TMC5: variants seen among roughly 807,000 people sequenced by gnomAD.
TMC5 encodes transmembrane channel-like protein 5.
A neutral mutation model predicts 110.5 loss-of-function variants in TMC5; 86 were observed. That is an observed-to-expected ratio of 0.78 (90% CI 0.65 to 0.93). The LOEUF is 0.93. Among genes scored for constraint, TMC5 ranks in the 40% least tolerant of loss-of-function variants. The probability of loss-of-function intolerance (pLI) is 0.00; values close to 1 mark genes in which losing one functional copy is unlikely to be tolerated. For synonymous variants in TMC5, 455 were observed against 439.5 expected, an observed-to-expected ratio of 1.04 and a Z score of -0.44; for missense variants, 1,144 against 1,222.8, an observed-to-expected ratio of 0.94 and a Z score of 0.96.
chr16:19,449,750 T>A (rs1331388203), intron 5 of TMC5, 119 bp downstream of exon 5: 1 of 853,264 alleles, frequency 1.2e-6, no homozygotes, highest in Non-Finnish European at 1.9e-6. Flanking sequence ...GTTTCCCCCA[T>A]GCTGTTCTCA....
intron 5 of TMC5, 21 bp downstream of exon 5, chr16:19,449,652 C>T: frequency 3.1e-6 from 5 of 1,601,882 alleles, no homozygotes; most frequent in Non-Finnish European, 4.3e-6. Flanking sequence ...TGGTTTGGCT[C>T]TGTGTCCCCA....
intron 2 of TMC5, among the ~76,000 whole-genome samples, chr16:19,438,421 G>A (rs918794485): frequency 3.3e-4 from 11 of 33,006 alleles, no homozygotes; most frequent in South Asian, 3.0e-3. Context: ...AGAAAGAAAA[G>A]AAAAAGAAAG....
In TMC5 at chr16:19,440,427, G is replaced by T; in HGVS notation, c.389G>T (p.Gly130Val). 1.2e-6 allele frequency: 2 copies of T among 1,613,986 alleles called. No individual in the cohort carries two copies. The highest frequency in any genetic ancestry group is 8.5e-7 in the Non-Finnish European group (1 of 1,180,012). ...TCATCCAGACAACCAGACTACCCTG[G>T]ATCTCAACGAAATCCTGATTTTGCA... is the stretch of plus-strand genomic sequence containing the variant. Reference protein sequence around the residue: ...RASSRQPDYPGSQRNPDFAGS... With the variant: ...RASSRQPDYPVSQRNPDFAGS... The change falls in exon 3 of 22, where the codon GGA becomes GTA. Residue 130 changes from glycine to valine, a missense_variant. Transcript: ENST00000542583.
chr16:19,411,263 A>G (rs1369473717), intron 1 of TMC5: 2 of 152,244 alleles, frequency 1.3e-5, no homozygotes, highest in South Asian at 2.1e-4. Flanking sequence ...ATCTCTGGAC[A>G]GGTTACTTAT....
At chr16:19,473,636 A>G (rs893283464) in intron 11 of TMC5, among the ~76,000 whole-genome samples, 3 of 152,098 alleles carry the variant, frequency 2.0e-5, no homozygotes, top group African/African-American at 7.2e-5. Flanking sequence ...CCCCTCCCTG[A>G]GCCTCAGTTT....
At chr16:19,493,874 T>A (rs1968981245) in intron 19 of TMC5, among the ~76,000 whole-genome samples, 1 of 101,858 alleles carries the variant, frequency 9.8e-6, no homozygotes, top group African/African-American at 4.2e-5. Context: ...TTCCATATCC[T>A]ACATATATCT....
chr16:19,498,652 G>A lies in TMC5; in HGVS notation c.*686G>A, dbSNP rs1969116008. On this transcript the variant is annotated 3_prime_UTR_variant, in exon 22 of 22. Coordinates refer to ENST00000542583, the MANE Select transcript of TMC5 (RefSeq NM_001261841.2). Reference sequence around the variant, plus strand: ...ACCGTAGCCAATGAGATTTATCCGAGACGCGATTATTGCTAATTGGAAATT... The same window carrying A: ...ACCGTAGCCAATGAGATTTATCCGAAACGCGATTATTGCTAATTGGAAATT... The A allele has an allele frequency of 6.6e-6, 1 of 152,148 alleles. No individual in the cohort carries two copies. The highest frequency in any genetic ancestry group is 1.5e-5 in the Non-Finnish European group (1 of 68,034). 9.4% of individuals were successfully genotyped at this position (152,148 alleles called of 1,614,324 possible).
chr16:19,494,377 AG>A lies in TMC5; in HGVS notation c.2931+13del. On this transcript the variant is annotated intron_variant, in intron 20 of 21. Coordinates refer to ENST00000542583, the MANE Select transcript of TMC5 (RefSeq NM_001261841.2). ...AGGAGAGAGGTGGAGGTGAGTCTGG[AG>A]GCTGCCTTGGGGACCCCTGGGACAC... 1.2e-6 allele frequency: 2 copies of A among 1,609,502 alleles called. No individual in the cohort carries two copies. The highest frequency in any genetic ancestry group is 1.7e-6 in the Non-Finnish European group (2 of 1,177,356).
chr16:19,467,014 C>T (rs778996203), intron 9 of TMC5, among the ~76,000 whole-genome samples: 2 of 152,084 alleles, frequency 1.3e-5, no homozygotes, highest in East Asian at 1.9e-4. Flanking sequence ...GGCTTGGTGG[C>T]GCACGCCTGT....
In TMC5 at chr16:19,477,538, T is replaced by G; in HGVS notation, c.2169+20T>G. 2 of 1,563,408 alleles carry G rather than the reference T, an allele frequency of 1.3e-6. No homozygotes were observed. Among genetic ancestry groups the G allele is most frequent in the Non-Finnish European group, 1.7e-6 (2 of 1,149,962 alleles). On this transcript the variant is annotated intron_variant, in intron 13 of 21. Coordinates refer to ENST00000542583, the MANE Select transcript of TMC5 (RefSeq NM_001261841.2). ...GAAGAGGTGAGATTCTATGCTTCTC[T>G]GCCTTAAGTTTGGTTTCTTAGCATT...
chr16:19,444,284 G>A, intron 4 of TMC5, 34 bp downstream of exon 4: 1 of 1,598,316 alleles, frequency 6.3e-7, no homozygotes, highest in Non-Finnish European at 8.5e-7. Flanking sequence ...CATATCCTGG[G>A]AAAAAACTGA....
intron 1 of TMC5, among the ~76,000 whole-genome samples, chr16:19,421,934 AAAAG>A (rs2143357614): frequency 6.6e-6 from 1 of 152,246 alleles, no homozygotes; most frequent in African/African-American, 2.4e-5. Context: ...CATCTCTTAA[AAAAG>A]AGAGAGAGAG....
rs750483899 is a variant in TMC5 at position 19,497,948 on chromosome 16, A to G, written c.3003A>G (p.Glu1001=). 2 of 1,614,046 alleles carry G rather than the reference A, an allele frequency of 1.2e-6. No homozygotes were observed. The highest frequency in any genetic ancestry group is 8.5e-7 in the Non-Finnish European group (1 of 1,180,000). ...LDLRSRRSVQ[E]GNPRA ...TGCGATCTAGAAGATCAGTTCAAGAAGGTAATCCAAGGGCCTGATGACTCT... is the reference window on the plus strand; with the variant it reads ...TGCGATCTAGAAGATCAGTTCAAGAGGGTAATCCAAGGGCCTGATGACTCT... Residue 1001 remains glutamate (E), a synonymous_variant, in exon 22 of 22, where the codon GAA becomes GAG. Coordinates refer to ENST00000542583, the MANE Select transcript of TMC5 (RefSeq NM_001261841.2).
intron 17 of TMC5, among the ~76,000 whole-genome samples, 175 bp downstream of exon 17, chr16:19,487,501 G>A (rs1172637988): frequency 6.6e-6 from 1 of 152,020 alleles, no homozygotes; most frequent in Non-Finnish European, 1.5e-5. Context: ...CAGGAGTTCA[G>A]GACCAGCCTG....
At chr16:19,486,784 C>G in intron 15 of TMC5, 161 bp from the exon 16 acceptor site, 1 of 633,800 alleles carries the variant, frequency 1.6e-6, no homozygotes, top group Non-Finnish European at 2.8e-6. Flanking sequence ...CAAATACAGT[C>G]ACATTCTGAG....
chr16:19,489,357 C>T (rs9924152), intron 17 of TMC5, among the ~76,000 whole-genome samples: 17,185 of 151,864 alleles, frequency 0.11, 1,159 homozygotes, highest in African/African-American at 0.19. Context: ...TTTTTTGAGA[C>T]AGAGTCTCAC....
At chr16:19,436,704 A>G (rs79866967) in intron 2 of TMC5, among the ~76,000 whole-genome samples, 1 of 152,210 alleles carries the variant, frequency 6.6e-6, no homozygotes, top group Non-Finnish European at 1.5e-5. Flanking sequence ...TAATGACTCA[A>G]GTATCCAGCT....
In TMC5 at chr16:19,440,027, G is replaced by A; in HGVS notation, c.-12G>A. The A allele has an allele frequency of 1.2e-6, 2 of 1,606,776 alleles. No individual in the cohort carries two copies. The highest frequency in any genetic ancestry group is 1.7e-6 in the Non-Finnish European group (2 of 1,175,614). ...ACAGTTTACCACTCCAGGGTGAAGA[G>A]TCCATACCAACATGTCTGCCTACTA... On this transcript the variant is annotated 5_prime_UTR_variant, in exon 3 of 22. Transcript: ENST00000542583.
intron 4 of TMC5, among the ~76,000 whole-genome samples, chr16:19,448,272 G>T (rs1219543990): frequency 6.7e-6 from 1 of 148,974 alleles, no homozygotes; most frequent in Non-Finnish European, 1.5e-5. Context: ...GTGTGTCCTG[G>T]ATCTCAGTGC....
Sources: allele counts gnomAD v4.1 joint callset (sites outside exome capture counted in the v4.1 genomes callset), GRCh38; gene constraint gnomAD v4.1.1; transcripts MANE v1.5; gene names NCBI Gene and HGNC (gene_info 2026-07-23, HGNC 2026-07-21).